The following CTBP2 variants were observed in gnomAD, a reference collection of about 807,000 sequenced individuals.
CTBP2 encodes the protein C-terminal-binding protein 2.
CTBP2 carries 30 observed loss-of-function variants against 80.3 expected under a neutral mutation model. That is an observed-to-expected ratio of 0.37 (90% CI 0.28 to 0.51). The LOEUF is 0.51. Ranked by LOEUF, CTBP2 falls within the 20% of genes least tolerant of loss-of-function variation. The pLI, the probability that CTBP2 is intolerant of heterozygous loss-of-function variation, is 0.93. For missense variants in CTBP2, 1,212 were observed against 1,375.3 expected (o/e 0.88, Z 1.88); for synonymous variants, 594 against 587.4 (o/e 1.01, Z -0.16).
Position 125,026,522 on chromosome 10 carries a change from T to G in CTBP2, c.1238A>C (p.His413Pro), listed in dbSNP as rs142307451. ...ATAGGTGGCTGCCGTCTCCAGGAGG[T>G]GCTGAGATGGTGCGCTGGAGGGACG... Residue 413 changes from histidine to proline, a missense_variant, in exon 1 of 9, where the codon CAC (histidine) becomes CCC (proline). This residue lies in a region of CTBP2 where 848 missense variants were observed against 782.3 expected (regional missense o/e 1.08). Transcript: ENST00000309035. 4.2e-4 allele frequency: 673 copies of G among 1,595,250 alleles called. 4 individuals carry two copies. The African/African-American group carries it at 7.6e-3, about 18-fold the overall frequency.
chr10:125,038,293 C>T (rs912296303), intron 3 of CTBP2, among the ~76,000 whole-genome samples: 1 of 152,146 alleles, frequency 6.6e-6, no homozygotes, highest in Non-Finnish European at 1.5e-5. Flanking sequence ...GAGCCATCTT[C>T]GCTTCCCTCC....
At chr10:125,072,184 C>T (rs369517791) in intron 2 of CTBP2, among the ~76,000 whole-genome samples, 19 of 152,062 alleles carry the variant, frequency 1.2e-4, no homozygotes, top group East Asian at 7.7e-4. Context: ...TGGTGGCGTG[C>T]GCCTGTAGTT....
intron 2 of CTBP2, among the ~76,000 whole-genome samples, chr10:125,044,011 G>C (rs990665420): frequency 6.6e-6 from 1 of 152,196 alleles, no homozygotes; most frequent in Non-Finnish European, 1.5e-5. Flanking sequence ...TGTCCCCGGA[G>C]AACTCAGATC....
chr10:124,997,639 GCCCCTGCCCTTCA>G (rs1293739702), intron 4 of CTBP2: 6 of 402,764 alleles, frequency 1.5e-5, no homozygotes, highest in Non-Finnish European at 1.8e-5. Flanking sequence ...CCTCCATACA[GCCCCTGCCCTTCA>G]CCCCTGCCCA....
upstream of CTBP2, among the ~76,000 whole-genome samples, chr10:125,161,482 G>A (rs963226569): frequency 3.9e-5 from 6 of 151,958 alleles, no homozygotes; most frequent in African/African-American, 1.2e-4. Flanking sequence ...CCCCCTTCCC[G>A]GCCCCCGGGC....
chr10:125,018,400 T>A (rs1166278493), intron 1 of CTBP2, among the ~76,000 whole-genome samples: 2 of 152,070 alleles, frequency 1.3e-5, no homozygotes, highest in Admixed American at 6.5e-5. Flanking sequence ...TGGGCACCTG[T>A]GGTCTCAGCT....
chr10:125,037,006 G>A (rs141458726), intron 3 of CTBP2, among the ~76,000 whole-genome samples: 3 of 152,276 alleles, frequency 2.0e-5, no homozygotes, highest in South Asian at 2.1e-4. Context: ...ACATATAGAT[G>A]GTGACCCACA....
chr10:125,107,036 C>T (rs972501802), intron 2 of CTBP2, among the ~76,000 whole-genome samples: 3 of 152,214 alleles, frequency 2.0e-5, no homozygotes, highest in Non-Finnish European at 4.4e-5. Context: ...TGAATCAATG[C>T]CTCCCATTTA....
chr10:125,118,707 G>A (rs1480301888), intron 1 of CTBP2, among the ~76,000 whole-genome samples: 3 of 149,898 alleles, frequency 2.0e-5, no homozygotes, highest in African/African-American at 7.3e-5. Flanking sequence ...GACCAGTGCA[G>A]TGGAGGCGCT....
chr10:125,046,678 TAC>T (rs1198293034), intron 2 of CTBP2, among the ~76,000 whole-genome samples: 7 of 152,142 alleles, frequency 4.6e-5, no homozygotes, highest in African/African-American at 9.7e-5. Flanking sequence ...CCCTGTAAGT[TAC>T]ACAGAGTAAG....
chr10:125,099,433 C>T (rs1042532995), intron 2 of CTBP2, among the ~76,000 whole-genome samples: 2 of 152,176 alleles, frequency 1.3e-5, no homozygotes, highest in African/African-American at 4.8e-5. Flanking sequence ...CTTTCCTGAC[C>T]AGAGAAGGCC....
chr10:125,138,333 C>G (rs546206587), intron 1 of CTBP2: 1 of 152,216 alleles, frequency 6.6e-6, no homozygotes, highest in Non-Finnish European at 1.5e-5. Context: ...CCAAGCAACA[C>G]GGACCTCATG....
At position 125,026,569 on chromosome 10, in the gene CTBP2, G is replaced by T. The variant is rs1297135194; in HGVS notation, c.1191C>A (p.Pro397=). The T allele has an allele frequency of 6.5e-7, 1 of 1,543,248 alleles. No individual in the cohort carries two copies. Among genetic ancestry groups the T allele is most frequent in the African/African-American group, 1.5e-5 (1 of 68,716 alleles). The change falls in exon 1 of 9, where the codon CCC becomes CCA. Residue 397 remains proline, a synonymous_variant. Coordinates refer to ENST00000309035, the MANE Select transcript of CTBP2 (RefSeq NM_022802.3). ...GACGGCGAGCCGGGTCTCCAGCTCG[G>T]GGGGATGCTGTCTGCAGAGGAGCCG...
intron 2 of CTBP2, among the ~76,000 whole-genome samples, chr10:125,073,447 TTGGCCAGGC>T (rs1182136020): frequency 4.6e-5 from 7 of 152,246 alleles, no homozygotes; most frequent in Admixed American, 3.9e-4. Flanking sequence ...CTTCACCATG[TTGGCCAGGC>T]TGGTCAACTC....
intron 2 of CTBP2, among the ~76,000 whole-genome samples, chr10:125,085,550 G>A (rs1017090644): frequency 6.6e-6 from 1 of 152,234 alleles, no homozygotes; most frequent in African/African-American, 2.4e-5. Context: ...GCTCCAGGCA[G>A]AGCTGGGAGC....
intron 8 of CTBP2, 93 bp downstream of exon 10, chr10:124,992,602 G>T: frequency 1.3e-6 from 1 of 777,204 alleles, no homozygotes; most frequent in Non-Finnish European, 2.1e-6. Context: ...TAGCATCTGC[G>T]GGAGGTTAAG....
At position 125,098,450 on chromosome 10, in the gene CTBP2, G is replaced by A. The variant is rs142307724; in HGVS notation, c.-102+12540C>T. Among the ~76,000 whole-genome samples the A allele has an allele frequency of 8.5e-5, 13 of 152,206 alleles. No individual in the cohort carries two copies. The East Asian group carries it at 2.1e-3, about 25-fold the overall frequency. Reference sequence around the variant, plus strand: ...GCTGCGTCTGGTATATGCGTGGTCCGTAAGGCATCACTTGGTTGATGTGTG... The same window carrying A: ...GCTGCGTCTGGTATATGCGTGGTCCATAAGGCATCACTTGGTTGATGTGTG... On this transcript the variant is annotated intron_variant, in intron 2 of 10. Transcript: ENST00000337195.
upstream of CTBP2, among the ~76,000 whole-genome samples, chr10:125,030,522 C>T (rs780110685): frequency 7.9e-5 from 12 of 152,308 alleles, no homozygotes; most frequent in South Asian, 2.5e-3. Flanking sequence ...TACCCTCCGA[C>T]GGAGCAGTCT....
chr10:124,993,077 A>G (rs962994917), intron 7 of CTBP2, 125 bp downstream of exon 9: 12 of 1,218,234 alleles, frequency 9.9e-6, no homozygotes, highest in Non-Finnish European at 1.3e-5. Context: ...GGCCCAACTC[A>G]TATAAATTTG....
Sources: allele counts gnomAD v4.1 joint callset (sites outside exome capture counted in the v4.1 genomes callset), GRCh38; gene constraint gnomAD v4.1.1; regional missense constraint gnomAD v4.1.1; transcripts MANE v1.5; gene names NCBI Gene and HGNC (gene_info 2026-07-23, HGNC 2026-07-21).